The following DOCK7 variants were observed in gnomAD, a reference collection of about 807,000 sequenced individuals.
The protein encoded by DOCK7 is dedicator of cytokinesis protein 7.
DOCK7 carries 138 observed loss-of-function variants against 271.0 expected under a neutral mutation model. The ratio of observed to expected loss-of-function variants is 0.51; its 90% CI spans 0.44 to 0.59. The LOEUF is 0.59. DOCK7 is among the 20% of genes least tolerant of loss of function. The pLI is 0.00. For synonymous variants in DOCK7, 823 were observed against 876.1 expected, an observed-to-expected ratio of 0.94 and a Z score of 1.07; for missense variants, 2,066 against 2,592.4, an observed-to-expected ratio of 0.80 and a Z score of 4.41.
Position 62,489,065 on chromosome 1 carries a change from C to T in DOCK7, c.5362G>A (p.Ala1788Thr). 6.5e-7 allele frequency: 1 copy of T among 1,548,648 alleles called. No individual in the cohort carries two copies. Among genetic ancestry groups the T allele is most frequent in the East Asian group, 2.3e-5 (1 of 43,528 alleles). Residue 1788 changes from alanine (A) to threonine (T), a missense_variant and splice_region_variant, in exon 42 of 50, where the codon GCT (alanine) becomes ACT (threonine). By Grantham distance (58) the Ala-to-Thr change is moderately conservative. Transcript: ENST00000635253. ...TCATTAACTGCTTCATACATGCCAG[C>T]CTATAAGAAAAAATTTTGTTAAGAT... ...LEQAAASFSM[A>T]GMYEAVNEVY...
intron 7 of DOCK7, among the ~76,000 whole-genome samples, chr1:62,646,558 C>T (rs1490114094): frequency 6.6e-6 from 1 of 152,196 alleles, no homozygotes; most frequent in African/African-American, 2.4e-5. Flanking sequence ...AGAGACCTCT[C>T]TCTCTCTGTG....
chr1:62,672,031 A>G (rs555287234), intron 1 of DOCK7, among the ~76,000 whole-genome samples: 2 of 152,068 alleles, frequency 1.3e-5, no homozygotes, highest in South Asian at 4.2e-4. Context: ...TACAAAATGC[A>G]AACTTAGGAA....
chr1:62,537,702 T>TGG (rs1375287345), intron 28 of DOCK7, among the ~76,000 whole-genome samples, 189 bp downstream of exon 28: 1 of 152,010 alleles, frequency 6.6e-6, no homozygotes, highest in Non-Finnish European at 1.5e-5. Flanking sequence ...ACCTGCAAAA[T>TGG]GGGTATAATA....
chr1:62,580,170 G>T (rs545113546), intron 16 of DOCK7, among the ~76,000 whole-genome samples: 2 of 152,216 alleles, frequency 1.3e-5, no homozygotes, highest in African/African-American at 4.8e-5. Context: ...GATGTTAATA[G>T]GTCAAATATC....
At chr1:62,647,630 A>G (rs1656830886) in intron 7 of DOCK7, 61 bp downstream of exon 7, 20 of 1,179,568 alleles carry the variant, frequency 1.7e-5, no homozygotes, top group Non-Finnish European at 7.4e-6. Context: ...ATTTTGTTAC[A>G]TCACTACTAA....
intron 11 of DOCK7, among the ~76,000 whole-genome samples, chr1:62,627,289 G>A (rs982969409): frequency 1.3e-5 from 2 of 152,136 alleles, no homozygotes; most frequent in African/African-American, 4.8e-5. Flanking sequence ...ACTTGATGGT[G>A]AAAGACTGAT....
At chr1:62,544,796 T>C (rs527383091) in intron 23 of DOCK7, 151 bp downstream of exon 23, 1 of 555,272 alleles carries the variant, frequency 1.8e-6, no homozygotes, top group East Asian at 3.1e-5. Flanking sequence ...TACTCATGCA[T>C]AGTAGTTGGA....
At chr1:62,686,540 T>C (rs924366207) in intron 1 of DOCK7, among the ~76,000 whole-genome samples, 1 of 150,740 alleles carries the variant, frequency 6.6e-6, no homozygotes, top group Non-Finnish European at 1.5e-5. Flanking sequence ...CTAATTATTT[T>C]ACAAAAAAAA....
At chr1:62,604,612 T>C (rs767118499) in intron 14 of DOCK7, 4 of 1,610,246 alleles carry the variant, frequency 2.5e-6, no homozygotes, top group South Asian at 1.1e-5. Context: ...ACCCATTAAA[T>C]TGCATATCTA....
intron 18 of DOCK7, among the ~76,000 whole-genome samples, chr1:62,573,403 G>A (rs1646847546): frequency 6.6e-6 from 1 of 152,162 alleles, no homozygotes; most frequent in South Asian, 2.1e-4. Context: ...AAAAGCCAGA[G>A]AAATGTTTTA....
intron 29 of DOCK7, 60 bp downstream of exon 29, chr1:62,535,433 C>T: frequency 6.9e-7 from 1 of 1,450,998 alleles, no homozygotes; most frequent in South Asian, 1.3e-5. Flanking sequence ...GAGTGGAATA[C>T]TTCTGTCCAC....
At chr1:62,486,473 C>T (rs1366729383) in intron 43 of DOCK7, 3 of 152,068 alleles carry the variant, frequency 2.0e-5, no homozygotes, top group African/African-American at 4.8e-5. Flanking sequence ...TGACTTATTA[C>T]TACCTTGCTT....
At chr1:62,534,832 C>T (rs948570815) in intron 29 of DOCK7, among the ~76,000 whole-genome samples, 17 of 152,096 alleles carry the variant, frequency 1.1e-4, no homozygotes. Context: ...GTGGCTCACA[C>T]CTGTAATCCC....
At chr1:62,681,162 G>T (rs371564496) in intron 1 of DOCK7, among the ~76,000 whole-genome samples, 475 of 151,444 alleles carry the variant, frequency 3.1e-3, no homozygotes, top group African/African-American at 0.01. Flanking sequence ...TAGACTGGAT[G>T]AAGAAAATGT....
chr1:62,480,498 T>C (rs563004923), intron 43 of DOCK7, among the ~76,000 whole-genome samples: 1 of 152,068 alleles, frequency 6.6e-6, no homozygotes, highest in Non-Finnish European at 1.5e-5. Flanking sequence ...AAAAGAGGTA[T>C]AAGGGAAGAT....
In DOCK7 at chr1:62,631,244, A is replaced by G; in HGVS notation, c.1278T>C (p.Thr426=). 6.3e-7 allele frequency: 1 copy of G among 1,598,604 alleles called. No individual in the cohort carries two copies. The highest frequency in any genetic ancestry group is 8.5e-7 in the Non-Finnish European group (1 of 1,175,264). The change falls in exon 11 of 50, where the codon ACT becomes ACC. Residue 426 remains threonine (T), a synonymous_variant. Transcript: ENST00000635253. The stretch of plus-strand genomic sequence containing the variant: ...TTTTGTATGAAACACTCTTACCTCC[A>G]GTACTGATTTCTACTTCTGTAGAAT... ...ERDSTEVEIS[T]GERKGSWSER...
At position 62,633,478 on chromosome 1, in the gene DOCK7, T is replaced by G. The variant is rs751142199; in HGVS notation, c.1116+20A>C. The G allele has an allele frequency of 3.2e-6, 5 of 1,564,980 alleles. No individual in the cohort carries two copies. The highest frequency in any genetic ancestry group is 4.4e-6 in the Non-Finnish European group (5 of 1,138,408). ...TACAATAGTAATAATGTGGCGGAAA[T>G]GAGAAGCATAACATTCTACCTTGGT... On this transcript the variant is annotated intron_variant, in intron 10 of 49. Coordinates refer to ENST00000635253, the MANE Select transcript of DOCK7 (RefSeq NM_001367561.1).
At chr1:62,573,384 T>C (rs185677384) in intron 18 of DOCK7, among the ~76,000 whole-genome samples, 2 of 152,320 alleles carry the variant, frequency 1.3e-5, no homozygotes, top group Admixed American at 6.5e-5. Context: ...ATTATGTCTA[T>C]GTGCAAGAAA....
chr1:62,586,663 C>T (rs757830134), intron 14 of DOCK7, 39 bp from the exon 15 acceptor site: 1 of 1,239,894 alleles, frequency 8.1e-7, no homozygotes, highest in African/African-American at 1.5e-5. Flanking sequence ...AAATACATAT[C>T]TAAGAAACAC....
Sources: allele counts gnomAD v4.1 joint callset (sites outside exome capture counted in the v4.1 genomes callset), GRCh38; gene constraint gnomAD v4.1.1; transcripts MANE v1.5; gene names NCBI Gene and HGNC (gene_info 2026-07-23, HGNC 2026-07-21).